The following DNAH9 variants were observed in gnomAD, a reference collection of about 807,000 sequenced individuals.
DNAH9 encodes the protein dynein axonemal heavy chain 9, also known as DNAH9 variant protein.
DNAH9 carries 345 observed loss-of-function variants against 471.6 expected under a neutral mutation model. The ratio of observed to expected loss-of-function variants is 0.73; its 90% CI spans 0.67 to 0.80. The LOEUF is 0.80. Ranked by LOEUF, DNAH9 falls within the 30% of genes least tolerant of loss-of-function variation. The pLI is 0.00. For synonymous variants in DNAH9, 2,093 were observed against 2,123.6 expected (o/e 0.99, Z 0.40); for missense variants, 5,407 against 5,609.2 (o/e 0.96, Z 1.15).
intron 36 of DNAH9, among the ~76,000 whole-genome samples, chr17:11,768,231 G>T (rs111727219): frequency 0.026 from 3,932 of 152,256 alleles, 153 homozygotes; most frequent in African/African-American, 0.089. Context: ...TCAGCCGCAT[G>T]GTCAAGCAAG....
chr17:11,772,657 A>G (rs535942973), intron 38 of DNAH9, among the ~76,000 whole-genome samples: 2 of 152,340 alleles, frequency 1.3e-5, no homozygotes, highest in South Asian at 4.1e-4. Flanking sequence ...CTCTCACTGT[A>G]GCTGAGCATT....
chr17:11,699,368 T>A (rs7222859), intron 22 of DNAH9, among the ~76,000 whole-genome samples: 1 of 152,344 alleles, frequency 6.6e-6, no homozygotes, highest in South Asian at 2.1e-4. Context: ...CCTTTGCTCA[T>A]GTCCTGTACC....
intron 26 of DNAH9, among the ~76,000 whole-genome samples, chr17:11,709,709 T>A (rs1230791513): frequency 1.3e-5 from 2 of 152,194 alleles, no homozygotes; most frequent in Non-Finnish European, 2.9e-5. Flanking sequence ...GAAATGTTTT[T>A]TCAGGCTGAA....
intron 62 of DNAH9, 26 bp from the exon 63 acceptor site, chr17:11,929,839 GA>G (rs756410932): frequency 5.1e-5 from 81 of 1,593,732 alleles, no homozygotes; most frequent in Non-Finnish European, 5.8e-5. Flanking sequence ...TGCCTGTATT[GA>G]GGGGGGGCTC....
chr17:11,880,038 C>T, intron 53 of DNAH9, 40 bp from the exon 54 acceptor site: 1 of 1,610,456 alleles, frequency 6.2e-7, no homozygotes, highest in South Asian at 1.1e-5. Flanking sequence ...CCATAGCTTG[C>T]CACAGTCTCA....
Position 11,598,585 on chromosome 17 carries a change from G to A in DNAH9, c.87G>A (p.Gly29=). ...CCGACCGACGACTGCGACTCCTGGGGACCTACGTGGCCATGAGCCTGCGGC... is the reference window on the plus strand; with the variant it reads ...CCGACCGACGACTGCGACTCCTGGGAACCTACGTGGCCATGAGCCTGCGGC... ...PGADRRLRLL[G]TYVAMSLRPA... is the part of the protein sequence containing the mutation. Residue 29 remains glycine (G), a synonymous_variant, in exon 1 of 69, where the codon GGG becomes GGA. Transcript: ENST00000262442. 1.5e-6 allele frequency: 2 copies of A among 1,329,994 alleles called. No homozygotes were observed. The highest frequency in any genetic ancestry group is 1.9e-6 in the Non-Finnish European group (2 of 1,029,688). The allele number at this position is 1,329,994 out of a possible 1,614,324, so 82.4% of individuals were successfully genotyped here.
intron 35 of DNAH9, among the ~76,000 whole-genome samples, chr17:11,758,187 G>T (rs913755136): frequency 6.6e-6 from 1 of 152,136 alleles, no homozygotes; most frequent in African/African-American, 2.4e-5. Flanking sequence ...CTGCCCTGCT[G>T]GATATGGTGA....
chr17:11,950,564 C>T (rs1002584343), intron 67 of DNAH9, among the ~76,000 whole-genome samples: 1 of 152,090 alleles, frequency 6.6e-6, no homozygotes, highest in Non-Finnish European at 1.5e-5. Context: ...GAGATGGGGT[C>T]TCACTATGTT....
chr17:11,962,727 G>A lies in DNAH9; in HGVS notation c.13233+471G>A, dbSNP rs771030484. Reference sequence around the variant, plus strand: ...CGCCCAGGCTGGAGTACAGTGGCACGATCTTAGCTCACTGCAACCTCCGCC... The same window carrying A: ...CGCCCAGGCTGGAGTACAGTGGCACAATCTTAGCTCACTGCAACCTCCGCC... On this transcript the variant is annotated intron_variant, in intron 68 of 68. Transcript: ENST00000262442. This position sits in a 1 kb window ranked among gnomAD's most constrained non-coding sequence, Gnocchi z 4.1. Among the ~76,000 whole-genome samples the A allele has an allele frequency of 6.6e-6, 1 of 152,126 alleles. No individual in the cohort carries two copies. The highest frequency in any genetic ancestry group is 1.5e-5 in the Non-Finnish European group (1 of 68,018).
intron 44 of DNAH9, 62 bp from the exon 45 acceptor site, chr17:11,810,184 T>C: frequency 1.9e-6 from 3 of 1,543,878 alleles, no homozygotes; most frequent in Non-Finnish European, 2.6e-6. Flanking sequence ...AAAGAATGGG[T>C]TGGAGTTCTC....
chr17:11,915,139 T>A (rs1439517807), intron 61 of DNAH9, among the ~76,000 whole-genome samples: 1 of 152,192 alleles, frequency 6.6e-6, no homozygotes, highest in East Asian at 1.9e-4. Flanking sequence ...TCATCTCCAC[T>A]CTTCTTCCTC....
chr17:11,736,937 T>A (rs543847653), intron 28 of DNAH9, among the ~76,000 whole-genome samples: 2 of 152,250 alleles, frequency 1.3e-5, no homozygotes, highest in East Asian at 3.9e-4. Flanking sequence ...ATAAGGCGAG[T>A]GCTCTGTATA....
At chr17:11,732,109 A>G (rs892761611) in intron 28 of DNAH9, among the ~76,000 whole-genome samples, 3 of 152,220 alleles carry the variant, frequency 2.0e-5, no homozygotes, top group Non-Finnish European at 4.4e-5. Flanking sequence ...GCAGTGCCCA[A>G]CAGCCATTGT....
intron 10 of DNAH9, among the ~76,000 whole-genome samples, chr17:11,640,958 G>A (rs1370410124): frequency 6.6e-6 from 1 of 152,134 alleles, no homozygotes; most frequent in Non-Finnish European, 1.5e-5. Context: ...TAGAAGCTGA[G>A]ATAGAAGCAA....
chr17:11,807,746 G>A lies in DNAH9; in HGVS notation c.8435G>A (p.Arg2812His), dbSNP rs371741808. 39 of 1,607,160 alleles carry A rather than the reference G, an allele frequency of 2.4e-5. No individual in the cohort carries two copies. Among genetic ancestry groups the A allele is most frequent in the African/African-American group, 4.0e-5 (3 of 74,844 alleles). Residue 2812 changes from arginine to histidine, a missense_variant, in exon 44 of 69, where the codon CGC (arginine) becomes CAC (histidine). Arg to His is a conservative substitution (Grantham distance 29, BLOSUM62 0). Coordinates refer to ENST00000262442, the MANE Select transcript of DNAH9 (RefSeq NM_001372.4). ...CTTCTCTTTAGCTGCCATATCAATC[G>A]CATCTTGGAGTCCCCGCGGGGAAAT... ...DAMRHVCHIN[R>H]ILESPRGNAL...
At chr17:11,826,347 A>G (rs953455907) in intron 48 of DNAH9, among the ~76,000 whole-genome samples, 8 of 119,416 alleles carry the variant, frequency 6.7e-5, no homozygotes, top group Admixed American at 6.1e-4. Flanking sequence ...CCAATTCCCC[A>G]GGCCGGAAGC....
intron 45 of DNAH9, among the ~76,000 whole-genome samples, chr17:11,811,702 C>T (rs950079211): frequency 1.6e-4 from 25 of 152,164 alleles, no homozygotes; most frequent in African/African-American, 5.3e-4. Flanking sequence ...CTACCTAGGA[C>T]GAAGTCTTTC....
At chr17:11,652,537 G>A (rs979088256) in intron 13 of DNAH9, among the ~76,000 whole-genome samples, 4 of 151,868 alleles carry the variant, frequency 2.6e-5, no homozygotes, top group South Asian at 2.1e-4. Flanking sequence ...CGCCCACCTC[G>A]GCCTCCCAAA....
chr17:11,832,761 G>A (rs187947875), intron 48 of DNAH9, among the ~76,000 whole-genome samples: 1 of 152,162 alleles, frequency 6.6e-6, no homozygotes, highest in Admixed American at 6.5e-5. Flanking sequence ...CGTGTTCCAG[G>A]AGCTCTGAAG....
Sources: allele counts gnomAD v4.1 joint callset (sites outside exome capture counted in the v4.1 genomes callset), GRCh38; gene constraint gnomAD v4.1.1; non-coding constraint Gnocchi (gnomAD v3.1); transcripts MANE v1.5; gene names NCBI Gene and HGNC (gene_info 2026-07-23, HGNC 2026-07-21).